TOX: variants seen among roughly 807,000 people sequenced by gnomAD.
TOX encodes the protein thymocyte selection associated high mobility group box, also known as thymocyte selection-associated high mobility group box protein TOX.
A neutral mutation model predicts 53.7 loss-of-function variants in TOX; 11 were observed. That is an observed-to-expected ratio of 0.20 (90% confidence interval 0.13 to 0.34). The LOEUF (loss-of-function observed/expected upper bound fraction) is 0.34. Ranked by LOEUF, TOX falls within the 10% of genes least tolerant of loss-of-function variation. The pLI is 1.00. For missense variants in TOX, 570 were observed against 664.6 expected (o/e 0.86, Z 1.56); for synonymous variants, 225 against 245.3 (o/e 0.92, Z 0.77).
At chr8:59,056,200 A>G (rs961516663) in intron 1 of TOX, among the ~76,000 whole-genome samples, 1 of 152,126 alleles carries the variant, frequency 6.6e-6, no homozygotes, top group African/African-American at 2.4e-5. Flanking sequence ...CCAAGGTGGG[A>G]GAATTGCTTG....
chr8:58,840,243 C>T (rs187829199), intron 4 of TOX, among the ~76,000 whole-genome samples: 4 of 152,228 alleles, frequency 2.6e-5, no homozygotes, highest in Admixed American at 2.6e-4. Context: ...CTGAAATTGT[C>T]TACTGAAGCA....
intron 1 of TOX, among the ~76,000 whole-genome samples, chr8:59,086,859 T>C (rs144113445): frequency 6.6e-6 from 1 of 152,348 alleles, no homozygotes; most frequent in Admixed American, 6.5e-5. Flanking sequence ...GACACATTTA[T>C]TTCTTGGATT....
intron 3 of TOX, among the ~76,000 whole-genome samples, chr8:58,890,683 C>G (rs373783677): frequency 5.3e-5 from 8 of 152,094 alleles, no homozygotes; most frequent in African/African-American, 1.9e-4. Flanking sequence ...GGAGGAGATA[C>G]TTGGTGTAGT....
At chr8:59,057,665 T>C (rs1313446100) in intron 1 of TOX, among the ~76,000 whole-genome samples, 1 of 152,206 alleles carries the variant, frequency 6.6e-6, no homozygotes, top group Non-Finnish European at 1.5e-5. Context: ...ATGAATACCA[T>C]ATATTTATAA....
intron 2 of TOX, among the ~76,000 whole-genome samples, chr8:58,958,304 A>C (rs1178788569): frequency 6.6e-6 from 1 of 152,226 alleles, no homozygotes; most frequent in African/African-American, 2.4e-5. Context: ...AGTCATTATG[A>C]TGTATATGTT....
intron 7 of TOX, among the ~76,000 whole-genome samples, chr8:58,814,122 G>C (rs937159877): frequency 2.6e-5 from 4 of 152,086 alleles, no homozygotes; most frequent in Admixed American, 1.3e-4. Context: ...GTTACTGTGA[G>C]CTCTCAAAAA....
chr8:59,084,605 G>T (rs569411292), intron 1 of TOX, among the ~76,000 whole-genome samples: 79 of 152,236 alleles, frequency 5.2e-4, no homozygotes, highest in Non-Finnish European at 9.1e-4. Context: ...GAATTTTCCA[G>T]AACATAAAGT....
intron 3 of TOX, among the ~76,000 whole-genome samples, chr8:58,930,094 TTTTGAAA>T (rs1387736166): frequency 2.0e-5 from 3 of 152,214 alleles, no homozygotes; most frequent in African/African-American, 7.2e-5. Context: ...CATTTAGGTC[TTTTGAAA>T]GCATTATAGA....
chr8:58,986,282 C>T (rs527580601), intron 1 of TOX, among the ~76,000 whole-genome samples: 1 of 152,286 alleles, frequency 6.6e-6, no homozygotes, highest in African/African-American at 2.4e-5. Flanking sequence ...CTCATGGTAG[C>T]TACTGAAAAC....
At chr8:59,044,431 G>A (rs1042807082) in intron 1 of TOX, among the ~76,000 whole-genome samples, 2 of 152,142 alleles carry the variant, frequency 1.3e-5, no homozygotes, top group Non-Finnish European at 2.9e-5. Flanking sequence ...CCTGTCCCTT[G>A]CTGACTACAG....
intron 3 of TOX, among the ~76,000 whole-genome samples, chr8:58,911,060 T>G (rs1811901402): frequency 6.6e-6 from 1 of 152,218 alleles, no homozygotes; most frequent in Non-Finnish European, 1.5e-5. Context: ...TTTTTTTCCT[T>G]CGGAGAAGCT....
intron 1 of TOX, among the ~76,000 whole-genome samples, chr8:58,999,866 T>A (rs758216314): frequency 1.4e-4 from 21 of 152,226 alleles, no homozygotes; most frequent in Non-Finnish European, 2.6e-4. Context: ...AGGTATTTTG[T>A]ATGATCCACA....
chr8:59,018,887 G>T (rs907857079), intron 1 of TOX, among the ~76,000 whole-genome samples: 70 of 152,238 alleles, frequency 4.6e-4, no homozygotes, highest in African/African-American at 1.6e-3. Context: ...AATTTTTAAA[G>T]ATATGGATTA....
intron 1 of TOX, among the ~76,000 whole-genome samples, chr8:59,066,228 GT>G (rs1354664989): frequency 6.6e-6 from 1 of 152,182 alleles, no homozygotes; most frequent in Non-Finnish European, 1.5e-5. Flanking sequence ...ACTTACAATA[GT>G]TTCATACATG....
intron 6 of TOX, among the ~76,000 whole-genome samples, chr8:58,818,079 A>G (rs912498111): frequency 5.3e-5 from 8 of 152,210 alleles, no homozygotes; most frequent in African/African-American, 1.9e-4. Context: ...GTGAACAGAT[A>G]GCAACCTAAT....
intron 6 of TOX, 42 bp downstream of exon 6, chr8:58,826,780 G>C: frequency 1.0e-5 from 16 of 1,547,702 alleles, no homozygotes; most frequent in Non-Finnish European, 1.4e-5. Context: ...TCTGCGCCGA[G>C]ATGGCCACAA....
intron 1 of TOX, among the ~76,000 whole-genome samples, chr8:58,978,979 G>C (rs1813155582): frequency 6.6e-6 from 1 of 152,158 alleles, no homozygotes. Context: ...GCTAAAAATA[G>C]AGCCTGTAGC....
intron 3 of TOX, among the ~76,000 whole-genome samples, chr8:58,938,888 G>A (rs1034636832): frequency 2.6e-5 from 4 of 152,128 alleles, no homozygotes; most frequent in South Asian, 2.1e-4. Context: ...ATTGAGAGCC[G>A]AAAATAGGAA....
chr8:58,974,924 G>A (rs1354039596), intron 1 of TOX, among the ~76,000 whole-genome samples: 2 of 151,820 alleles, frequency 1.3e-5, no homozygotes, highest in African/African-American at 4.8e-5. Flanking sequence ...CGGTTCTTAG[G>A]ACAAGTGAGT....
Sources: allele counts gnomAD v4.1 joint callset (sites outside exome capture counted in the v4.1 genomes callset), GRCh38; gene constraint gnomAD v4.1.1; transcripts MANE v1.5; gene names NCBI Gene and HGNC (gene_info 2026-07-23, HGNC 2026-07-21).